Variants in DOT1L observed in about 807,000 individuals in gnomAD.
DOT1L encodes DOT1 like histone lysine methyltransferase.
DOT1L carries 33 observed loss-of-function variants against 153.3 expected under a neutral mutation model. The ratio of observed to expected loss-of-function variants is 0.22; its 90% CI spans 0.16 to 0.29. DOT1L has a LOEUF of 0.29. Among genes scored for constraint, DOT1L ranks in the 10% least tolerant of loss-of-function variants. The pLI is 1.00. For synonymous variants in DOT1L, 1,135 were observed against 965.1 expected, an observed-to-expected ratio of 1.18 and a Z score of -3.26; for missense variants, 1,847 against 2,119.9, an observed-to-expected ratio of 0.87 and a Z score of 2.53.
At chr19:2,219,914 G>A (rs902552768) in intron 22 of DOT1L, among the ~76,000 whole-genome samples, 194 bp from the exon 23 acceptor site, 2 of 152,302 alleles carry the variant, frequency 1.3e-5, no homozygotes, top group East Asian at 1.9e-4. Context: ...CGCAGGCACC[G>A]CGCACTCTCG....
intron 1 of DOT1L, among the ~76,000 whole-genome samples, chr19:2,170,303 T>C (rs2020076279): frequency 6.6e-6 from 1 of 152,108 alleles, no homozygotes; most frequent in Admixed American, 6.6e-5. Context: ...GCCCCTGGTG[T>C]GGTTGGGAGG....
chr19:2,202,300 C>G (rs1225944076), intron 8 of DOT1L, among the ~76,000 whole-genome samples: 1 of 152,252 alleles, frequency 6.6e-6, no homozygotes, highest in Non-Finnish European at 1.5e-5. Context: ...GCGGGAGCCT[C>G]TGCTTGGCGC....
chr19:2,206,613 C>T (rs1371859528), intron 9 of DOT1L, 116 bp from the exon 10 acceptor site: 16 of 995,266 alleles, frequency 1.6e-5, no homozygotes, highest in Non-Finnish European at 2.6e-5. Context: ...GTGGACAGGA[C>T]CCGGAGCCCA....
chr19:2,164,159 A>G lies in DOT1L; in HGVS notation c.-26A>G. On this transcript the variant is annotated 5_prime_UTR_variant, in exon 1 of 28. An upstream start codon of the reference 5' UTR is lost. Coordinates refer to ENST00000398665, the MANE Select transcript of DOT1L (RefSeq NM_032482.3). ...CCCCTCCCCCAACCGCCCGCCTAGC[A>G]TGGTGCGGCGGCCGCGCGCGCGGAC... The G allele has an allele frequency of 3.7e-6, 4 of 1,074,230 alleles. No individual in the cohort carries two copies. Among genetic ancestry groups the G allele is most frequent in the Non-Finnish European group, 4.5e-6 (4 of 889,900 alleles). 66.5% of individuals were successfully genotyped at this position (1,074,230 alleles called of 1,614,324 possible).
rs567201519 is a variant in DOT1L, at chr19:2,232,016, GTTC to G, written c.*2229_*2231del. On this transcript the variant is annotated 3_prime_UTR_variant, in exon 28 of 28. Coordinates refer to ENST00000398665, the MANE Select transcript of DOT1L (RefSeq NM_032482.3). Reference sequence around the variant, plus strand: ...CTCCTGTTCTGAGCCCTGGGCCTGTGTTCTTCTCAGACACTCCCAGACTGAGGG... The same window carrying G: ...CTCCTGTTCTGAGCCCTGGGCCTGTGTTCTCAGACACTCCCAGACTGAGGG... The G allele has an allele frequency of 6.0e-4, 125 of 208,214 alleles. 1 individual carries two copies. In the South Asian group the frequency reaches 0.022, roughly 36 times the overall value. 12.9% of individuals were successfully genotyped at this position (208,214 alleles called of 1,614,324 possible).
At chr19:2,218,023 C>G (rs530574443) in intron 22 of DOT1L, 105 bp downstream of exon 22, 2 of 1,465,774 alleles carry the variant, frequency 1.4e-6, no homozygotes, top group Admixed American at 2.1e-5. Context: ...TGTAAAATGT[C>G]GAGCGTGAGG....
At position 2,229,621 on chromosome 19, in the gene DOT1L, T is replaced by A. The variant is rs2024512391; in HGVS notation, c.4607-164T>A. ...CCTGGTCTGTCACGGGGCACGCCCG[T>A]CGTCTGTTGTGGTTAGAGGAGCTGG... On this transcript the variant is annotated intron_variant, in intron 27 of 27. Coordinates refer to ENST00000398665, the MANE Select transcript of DOT1L (RefSeq NM_032482.3). 5 of 985,224 alleles carry A rather than the reference T, an allele frequency of 5.1e-6. No individual in the cohort carries two copies. In the African/African-American group the frequency reaches 8.7e-5, roughly 17 times the overall value. The allele number at this position is 985,224 out of a possible 1,614,324, so 61.0% of individuals were successfully genotyped here. A position where few individuals can be genotyped will look rare whatever the true frequency, so the allele number is the denominator to read the frequency against.
Position 2,214,292 on chromosome 19 carries a change from T to TG in DOT1L, c.1798-173dup, listed in dbSNP as rs1314947966. ...GTGCTGGAGCTGCCTCATCTGTCCGTGGGGGGCCCCAGTCTCCGCGTGTTC... is the reference window on the plus strand; with the variant it reads ...GTGCTGGAGCTGCCTCATCTGTCCGTGGGGGGGCCCCAGTCTCCGCGTGTTC... On this transcript the variant is annotated intron_variant, in intron 18 of 27. Transcript: ENST00000398665. The TG allele has an allele frequency of 1.2e-5, 13 of 1,093,748 alleles. 1 individual carries two copies. The highest frequency in any genetic ancestry group is 3.2e-5 in the African/African-American group (2 of 62,986). The allele number at this position is 1,093,748 out of a possible 1,614,324, so 67.8% of individuals were successfully genotyped here.
Position 2,217,126 on chromosome 19 carries a change from G to A in DOT1L, c.2544+36G>A, listed in dbSNP as rs374216327. The A allele has an allele frequency of 1.6e-5, 24 of 1,545,092 alleles. No individual in the cohort carries two copies. The highest frequency in any genetic ancestry group is 1.9e-5 in the Admixed American group (1 of 52,084). On this transcript the variant is annotated intron_variant, in intron 21 of 27. Transcript: ENST00000398665. The surrounding 1 kb of genome is among the most constrained non-coding windows in gnomAD (Gnocchi z 7.3). The stretch of plus-strand genomic sequence containing the variant: ...CGACCCCTGCCCCGGGCTCAGGGAG[G>A]TGCTCAGCAGAGGCGGCCTGAGCGA...
At position 2,206,609 on chromosome 19, in the gene DOT1L, A is replaced by G. The variant is rs576160632; in HGVS notation, c.788-120A>G. 4.5e-5 allele frequency: 41 copies of G among 912,432 alleles called. 1 individual carries two copies. The South Asian group carries it at 5.4e-4, about 12-fold the overall frequency. The allele number at this position is 912,432 out of a possible 1,614,324, so 56.5% of individuals were successfully genotyped here. ...TAGTGTTGCTTGTAGGCAGGTGGAC[A>G]GGACCCGGAGCCCAGTGTGTGTGTG... On this transcript the variant is annotated intron_variant, in intron 9 of 27. Transcript: ENST00000398665.
intron 1 of DOT1L, among the ~76,000 whole-genome samples, chr19:2,178,729 C>T (rs1265764915): frequency 6.7e-6 from 1 of 149,308 alleles, no homozygotes; most frequent in Non-Finnish European, 1.5e-5. Context: ...CCACGCCCAG[C>T]TAATTTTTTC....
intron 1 of DOT1L, among the ~76,000 whole-genome samples, chr19:2,168,992 CTCGGAAAGAACCTTCAAAGG>C (rs1329512211): frequency 2.6e-5 from 4 of 152,144 alleles, no homozygotes; most frequent in Non-Finnish European, 5.9e-5. Context: ...TGGTTGTTTG[CTCGGAAAGAACCTTCAAAGG>C]CCACAGAACG....
chr19:2,203,517 G>A (rs1185414891), intron 9 of DOT1L, among the ~76,000 whole-genome samples: 1 of 152,350 alleles, frequency 6.6e-6, no homozygotes, highest in East Asian at 1.9e-4. Flanking sequence ...ATACTGAGCA[G>A]GAGTGGGGCT....
chr19:2,198,580 G>C (rs530509591), intron 7 of DOT1L, among the ~76,000 whole-genome samples: 3 of 152,222 alleles, frequency 2.0e-5, no homozygotes, highest in Non-Finnish European at 4.4e-5. Flanking sequence ...CTCTCTGCTC[G>C]GGGACTCCGT....
At chr19:2,166,025 C>T (rs1349066627) in intron 1 of DOT1L, among the ~76,000 whole-genome samples, 1 of 152,152 alleles carries the variant, frequency 6.6e-6, no homozygotes, top group Non-Finnish European at 1.5e-5. Context: ...CCACCTCGGC[C>T]TCCCAAAGTG....
At chr19:2,219,560 C>T (rs1014070965) in intron 22 of DOT1L, among the ~76,000 whole-genome samples, 1 of 152,220 alleles carries the variant, frequency 6.6e-6, no homozygotes, top group African/African-American at 2.4e-5. Flanking sequence ...GTGAATCGTT[C>T]TGCTGTGAGC....
intron 27 of DOT1L, chr19:2,227,465 T>G: frequency 1.8e-6 from 1 of 562,036 alleles, no homozygotes; most frequent in Non-Finnish European, 3.4e-6. Flanking sequence ...GAGCTGGTGT[T>G]GGGTAAGAGC....
rs2144913480 is a variant in DOT1L at position 2,223,492 on chromosome 19, T to G, written c.3596+6T>G. On this transcript the variant is annotated splice_donor_region_variant and intron_variant, in intron 25 of 27. Coordinates refer to ENST00000398665, the MANE Select transcript of DOT1L (RefSeq NM_032482.3). ...GACGAGCCCAGCAGTGCTCGGCGAG[T>G]CCAGGGGCCCGGAGGGGGGCGGGGC... is the stretch of plus-strand genomic sequence containing the variant. The G allele has an allele frequency of 7.0e-7, 1 of 1,424,364 alleles. No individual in the cohort carries two copies. Among genetic ancestry groups the G allele is most frequent in the Non-Finnish European group, 9.4e-7 (1 of 1,063,654 alleles). 88.2% of individuals were successfully genotyped at this position (1,424,364 alleles called of 1,614,324 possible).
intron 1 of DOT1L, among the ~76,000 whole-genome samples, chr19:2,165,736 C>T (rs1010872944): frequency 6.6e-6 from 1 of 152,130 alleles, no homozygotes; most frequent in Non-Finnish European, 1.5e-5. Flanking sequence ...GGTGGCTTAC[C>T]ACCGTCCGAC....
Sources: allele counts gnomAD v4.1 joint callset (sites outside exome capture counted in the v4.1 genomes callset), GRCh38; gene constraint gnomAD v4.1.1; non-coding constraint Gnocchi (gnomAD v3.1); transcripts MANE v1.5; gene names NCBI Gene and HGNC (gene_info 2026-07-23, HGNC 2026-07-21).